The following RAB8B variants were observed in gnomAD, a reference collection of about 807,000 sequenced individuals.
RAB8B encodes RAB8B, member RAS oncogene family.
In RAB8B, 11 loss-of-function variants were observed where a neutral mutation model predicts 32.0. The observed-to-expected ratio is 0.34, with a 90% CI of 0.22 to 0.57. The LOEUF (loss-of-function observed/expected upper bound fraction) is 0.57. Ranked by LOEUF, RAB8B falls within the 20% of genes least tolerant of loss-of-function variation. The pLI is 0.86. For synonymous variants in RAB8B, 103 were observed against 89.6 expected (o/e 1.15, Z -0.85); for missense variants, 190 against 258.5 (o/e 0.73, Z 1.82).
chr15:63,246,461 A>T (rs540810149), intron 2 of RAB8B, among the ~76,000 whole-genome samples: 1 of 150,440 alleles, frequency 6.6e-6, no homozygotes, highest in South Asian at 2.1e-4. Flanking sequence ...CACTTTATTT[A>T]TGTTTACCCA....
intron 1 of RAB8B, among the ~76,000 whole-genome samples, chr15:63,201,145 C>T (rs1947925062): frequency 6.6e-6 from 1 of 152,160 alleles, no homozygotes; most frequent in Admixed American, 6.5e-5. Flanking sequence ...ATCACTTTCA[C>T]TAAATTCACT....
At chr15:63,226,255 T>A (rs554460921) in intron 1 of RAB8B, among the ~76,000 whole-genome samples, 4 of 152,340 alleles carry the variant, frequency 2.6e-5, no homozygotes, top group African/African-American at 7.2e-5. Flanking sequence ...TCATGTGTGG[T>A]TGAGCACTCT....
intron 6 of RAB8B, among the ~76,000 whole-genome samples, chr15:63,260,069 G>A (rs564685672): frequency 8.5e-5 from 13 of 152,230 alleles, no homozygotes; most frequent in Non-Finnish European, 1.6e-4. Context: ...TCTTGACCTC[G>A]TGATCCCCTC....
intron 1 of RAB8B, among the ~76,000 whole-genome samples, chr15:63,226,383 G>T (rs1490367457): frequency 6.6e-6 from 1 of 152,168 alleles, no homozygotes; most frequent in Non-Finnish European, 1.5e-5. Flanking sequence ...AATCAGATAA[G>T]GGGCCAAATC....
At chr15:63,233,028 C>T (rs1165707473) in intron 1 of RAB8B, among the ~76,000 whole-genome samples, 3 of 144,536 alleles carry the variant, frequency 2.1e-5, no homozygotes, top group Non-Finnish European at 4.6e-5. Context: ...ATGCCTTGAC[C>T]TCTTTTTTTT....
Position 63,206,324 on chromosome 15 carries a change from T to G in RAB8B, c.124+16576T>G, listed in dbSNP as rs546453492. ...CAGAGAAGGCCCTGAGTAAATGTTT[T>G]TTTTTAATGACTGTGCAGTTGATAG... is the stretch of plus-strand genomic sequence containing the variant. On this transcript the variant is annotated intron_variant, in intron 1 of 7. Coordinates refer to ENST00000321437, the MANE Select transcript of RAB8B (RefSeq NM_016530.3). Among the ~76,000 whole-genome samples, 95 of 152,258 alleles carry G rather than the reference T, an allele frequency of 6.2e-4. 1 individual carries two copies. The highest frequency in any genetic ancestry group is 6.8e-3 in the Middle Eastern group (2 of 294).
intron 1 of RAB8B, among the ~76,000 whole-genome samples, chr15:63,230,134 A>G (rs1182890244): frequency 6.6e-6 from 1 of 152,112 alleles, no homozygotes; most frequent in East Asian, 1.9e-4. Flanking sequence ...GCTTATTATA[A>G]TTATCCTTCC....
At position 63,203,695 on chromosome 15, in the gene RAB8B, G is replaced by A. The variant is rs557396334; in HGVS notation, c.124+13947G>A. Among the ~76,000 whole-genome samples the A allele has an allele frequency of 3.8e-4, 58 of 152,292 alleles. 1 individual carries two copies. The South Asian group carries it at 0.012, about 31-fold the overall frequency. On this transcript the variant is annotated intron_variant, in intron 1 of 7. Coordinates refer to ENST00000321437, the MANE Select transcript of RAB8B (RefSeq NM_016530.3). ...GATTGACCCGTTTAATTCTTGCAACGCGTCTTAGTTGTGTTCCGTTATCCC... is the reference window on the plus strand; with the variant it reads ...GATTGACCCGTTTAATTCTTGCAACACGTCTTAGTTGTGTTCCGTTATCCC...
At chr15:63,213,853 C>T (rs375117598) in intron 1 of RAB8B, among the ~76,000 whole-genome samples, 13 of 152,162 alleles carry the variant, frequency 8.5e-5, no homozygotes, top group Admixed American at 2.0e-4. Flanking sequence ...GAGGCAGAGG[C>T]GGGCAGATCA....
At chr15:63,257,586 G>A (rs985916547) in intron 5 of RAB8B, among the ~76,000 whole-genome samples, 1 of 151,952 alleles carries the variant, frequency 6.6e-6, no homozygotes, top group Non-Finnish European at 1.5e-5. Context: ...TTTTCAATCT[G>A]ACTGTGAACT....
At chr15:63,255,159 C>CT (rs1008877727) in intron 3 of RAB8B, among the ~76,000 whole-genome samples, 1 of 152,152 alleles carries the variant, frequency 6.6e-6, no homozygotes, top group African/African-American at 2.4e-5. Flanking sequence ...GTGATTAACT[C>CT]TTACTCTCAA....
chr15:63,234,370 C>A (rs1452996484), intron 1 of RAB8B, among the ~76,000 whole-genome samples: 1 of 152,226 alleles, frequency 6.6e-6, no homozygotes, highest in Non-Finnish European at 1.5e-5. Context: ...TTATTAATAT[C>A]TGTTGACTGA....
At chr15:63,254,061 C>T (rs1054318331) in intron 3 of RAB8B, among the ~76,000 whole-genome samples, 3 of 152,234 alleles carry the variant, frequency 2.0e-5, no homozygotes, top group Non-Finnish European at 4.4e-5. Flanking sequence ...GCCCTCCGCC[C>T]ATTAGATCTG....
Position 63,263,847 on chromosome 15 carries a change from C to G in RAB8B, c.*228C>G. ...CAATGAAGTGGAGACACATGCAGGA[C>G]CTAACTCGTTTTTTCCTTGTTTTAT... On this transcript the variant is annotated 3_prime_UTR_variant, in exon 8 of 8. Coordinates refer to ENST00000321437, the MANE Select transcript of RAB8B (RefSeq NM_016530.3). 1 of 435,078 alleles carries G rather than the reference C, an allele frequency of 2.3e-6. No individual in the cohort carries two copies. The highest frequency in any genetic ancestry group is 5.0e-5 in the South Asian group (1 of 19,862). The allele number at this position is 435,078 out of a possible 1,614,324, so 27.0% of individuals were successfully genotyped here. A position where few individuals can be genotyped will look rare whatever the true frequency, so the allele number is the denominator to read the frequency against.
chr15:63,263,275 C>G (rs537242279), intron 7 of RAB8B, among the ~76,000 whole-genome samples: 28 of 152,236 alleles, frequency 1.8e-4, no homozygotes, highest in Admixed American at 1.1e-3. Context: ...ATAGAAGCTT[C>G]CTATTGAATA....
chr15:63,211,501 A>G (rs757772520), intron 1 of RAB8B, among the ~76,000 whole-genome samples: 4 of 152,236 alleles, frequency 2.6e-5, no homozygotes, highest in Non-Finnish European at 5.9e-5. Context: ...AAGAATGTTT[A>G]CGCAAGACTT....
At chr15:63,227,824 C>A (rs988332601) in intron 1 of RAB8B, among the ~76,000 whole-genome samples, 3 of 152,206 alleles carry the variant, frequency 2.0e-5, no homozygotes, top group African/African-American at 7.2e-5. Context: ...TGTGGGAATT[C>A]ACCATGATCC....
intron 1 of RAB8B, among the ~76,000 whole-genome samples, chr15:63,209,372 C>G (rs1279643271): frequency 6.6e-6 from 1 of 151,936 alleles, no homozygotes; most frequent in Admixed American, 6.6e-5. Flanking sequence ...AGGTGGATCA[C>G]CTGAAGTCAG....
chr15:63,206,048 A>G (rs1410000520), intron 1 of RAB8B, among the ~76,000 whole-genome samples: 5 of 152,232 alleles, frequency 3.3e-5, no homozygotes, highest in Admixed American at 6.5e-5. Flanking sequence ...TGTGGAATAA[A>G]TGAACTAACA....
Sources: allele counts gnomAD v4.1 joint callset (sites outside exome capture counted in the v4.1 genomes callset), GRCh38; gene constraint gnomAD v4.1.1; transcripts MANE v1.5; gene names NCBI Gene and HGNC (gene_info 2026-07-23, HGNC 2026-07-21).